LANCL1: variants seen among roughly 807,000 people sequenced by gnomAD.
LANCL1 encodes the protein LanC like glutathione S-transferase 1.
A neutral mutation model predicts 50.6 loss-of-function variants in LANCL1; 50 were observed. The observed-to-expected ratio is 0.99, with a 90% CI of 0.79 to 1.25. The LOEUF (loss-of-function observed/expected upper bound fraction) is 1.25. Ranked by LOEUF, LANCL1 falls within the 50% of genes most tolerant of loss-of-function variation. The pLI is 0.00. For synonymous variants in LANCL1, 188 were observed against 178.6 expected (o/e 1.05, Z -0.42); for missense variants, 532 against 480.7 (o/e 1.11, Z -1.00).
chr2:210,435,351 ATAT>A (rs1692890585), intron 9 of LANCL1, 33 bp downstream of exon 9: 6 of 1,505,508 alleles, frequency 4.0e-6, no homozygotes, highest in Non-Finnish European at 5.5e-6. Flanking sequence ...GTAGATGCTG[ATAT>A]TATAGGGCAA....
rs142579067 is a variant in LANCL1, at chr2:210,462,908, G to A, written c.200-7594C>T. Among the ~76,000 whole-genome samples the A allele has an allele frequency of 3.2e-3, 487 of 152,252 alleles. 3 individuals are homozygous for A. Among genetic ancestry groups the A allele is most frequent in the African/African-American group, 0.01 (435 of 41,564 alleles). ...CTGACTAGTCATTAGCCACTTCTAT[G>A]AAGTTTGTATGGAATGAGTATCATG... On this transcript the variant is annotated intron_variant, in intron 3 of 9. Coordinates refer to ENST00000450366, the MANE Select transcript of LANCL1 (RefSeq NM_006055.3).
At chr2:210,435,161 A>G (rs1000452765) in intron 9 of LANCL1, among the ~76,000 whole-genome samples, 5 of 152,182 alleles carry the variant, frequency 3.3e-5, no homozygotes, top group Admixed American at 6.5e-5. Context: ...AAAATGCCCA[A>G]CATGTGCCTG....
intron 9 of LANCL1, among the ~76,000 whole-genome samples, chr2:210,435,021 A>G (rs1009298733): frequency 3.3e-5 from 5 of 152,166 alleles, no homozygotes; most frequent in Non-Finnish European, 7.3e-5. Flanking sequence ...GAAAGAATGG[A>G]GCCAGACAAG....
chr2:210,437,489 T>C (rs1343531253), intron 7 of LANCL1, among the ~76,000 whole-genome samples: 2 of 152,098 alleles, frequency 1.3e-5, no homozygotes, highest in African/African-American at 4.8e-5. Flanking sequence ...GCAACCTAAG[T>C]GTTGTTAAAA....
intron 6 of LANCL1, among the ~76,000 whole-genome samples, chr2:210,439,554 T>G (rs1048235436): frequency 7.2e-5 from 11 of 152,118 alleles, no homozygotes; most frequent in African/African-American, 2.7e-4. Flanking sequence ...ACCAGAAAAA[T>G]AAAGAAATTT....
rs535700576 is a variant in LANCL1 at position 210,440,812 on chromosome 2, C to CT, written c.544-69dup. ...AAAATCTTCCTGGAGGAGGTAAAGA[C>CT]TTTTTTGCTAAGAGGTACTGGGGAA... On this transcript the variant is annotated intron_variant, in intron 5 of 9. Transcript: ENST00000450366. 54 of 1,461,828 alleles carry CT rather than the reference C, an allele frequency of 3.7e-5. No homozygotes were observed. The African/African-American group carries it at 6.5e-4, about 18-fold the overall frequency. 90.6% of individuals were successfully genotyped at this position (1,461,828 alleles called of 1,614,324 possible).
At chr2:210,454,823 G>A (rs1273744967) in intron 4 of LANCL1, among the ~76,000 whole-genome samples, 1 of 152,134 alleles carries the variant, frequency 6.6e-6, no homozygotes, top group African/African-American at 2.4e-5. Context: ...ATCTTGGATA[G>A]CACTTTGGAT....
intron 2 of LANCL1, among the ~76,000 whole-genome samples, chr2:210,475,443 CGCCTCA>C (rs1048869441): frequency 6.6e-6 from 1 of 152,058 alleles, no homozygotes; most frequent in African/African-American, 2.4e-5. Flanking sequence ...GCAATTCTCC[CGCCTCA>C]GCCTCCCAAG....
chr2:210,475,204 A>G (rs1182356476), intron 2 of LANCL1, among the ~76,000 whole-genome samples: 1 of 152,248 alleles, frequency 6.6e-6, no homozygotes, highest in Non-Finnish European at 1.5e-5. Context: ...TTTGACAGGG[A>G]TGAAATCTGT....
intron 4 of LANCL1, among the ~76,000 whole-genome samples, chr2:210,446,594 A>AG (rs1196781410): frequency 6.6e-6 from 1 of 151,524 alleles, no homozygotes; most frequent in Non-Finnish European, 1.5e-5. Flanking sequence ...AATGCATGGA[A>AG]GTTAAGACCC....
chr2:210,471,846 T>C (rs1219726119), intron 3 of LANCL1, 113 bp downstream of exon 3: 11 of 796,198 alleles, frequency 1.4e-5, no homozygotes, highest in Admixed American at 1.1e-4. Flanking sequence ...CAATTACTCA[T>C]ATGCAGATGC....
chr2:210,464,238 C>A (rs1390629933), intron 3 of LANCL1, among the ~76,000 whole-genome samples: 2 of 152,114 alleles, frequency 1.3e-5, no homozygotes, highest in African/African-American at 4.8e-5. Flanking sequence ...GGGAATGAAA[C>A]AACAAAATAA....
intron 3 of LANCL1, chr2:210,468,103 C>G (rs1409100343): frequency 2.6e-5 from 4 of 151,832 alleles, no homozygotes; most frequent in Non-Finnish European, 5.9e-5. Flanking sequence ...TTAAGTTACA[C>G]TTAGCTCTAG....
At chr2:210,477,546 T>A (rs539693245), upstream of LANCL1, 3 of 1,316,294 alleles carry the variant, frequency 2.3e-6, no homozygotes, top group East Asian at 8.3e-5. Flanking sequence ...CCGGTTTCAA[T>A]GAAGAGTCCT....
intron 3 of LANCL1, among the ~76,000 whole-genome samples, chr2:210,466,524 T>C (rs2370948): frequency 0.4 from 61,295 of 152,064 alleles, 13,823 homozygotes; most frequent in East Asian, 0.61. Context: ...ATAGCCGTCT[T>C]GCCTGTTTTT....
At chr2:210,436,453 C>T in intron 7 of LANCL1, 61 bp from the exon 8 acceptor site, 1 of 1,478,058 alleles carries the variant, frequency 6.8e-7, no homozygotes, top group East Asian at 2.3e-5. Flanking sequence ...CATTGATATT[C>T]CTTCCTGATA....
Position 210,434,250 on chromosome 2 carries a change from T to G in LANCL1, c.*237A>C. ...AATCTCAAAACACTGTACATATCAC[T>G]CACTCTCCCTTTAGGAAGAAATGGA... On this transcript the variant is annotated 3_prime_UTR_variant, in exon 10 of 10. Coordinates refer to ENST00000450366, the MANE Select transcript of LANCL1 (RefSeq NM_006055.3). 2.2e-6 allele frequency: 1 copy of G among 459,366 alleles called. No individual in the cohort carries two copies. The highest frequency in any genetic ancestry group is 3.9e-6 in the Non-Finnish European group (1 of 257,562). The allele number at this position is 459,366 out of a possible 1,614,324, so 28.5% of individuals were successfully genotyped here. A position where few individuals can be genotyped will look rare whatever the true frequency, so the allele number is the denominator to read the frequency against.
intron 3 of LANCL1, among the ~76,000 whole-genome samples, chr2:210,465,836 A>C (rs934007882): frequency 1.3e-5 from 2 of 152,184 alleles, no homozygotes; most frequent in African/African-American, 4.8e-5. Flanking sequence ...CTGCCTGAAA[A>C]GGTTTTGAAC....
Position 210,440,755 on chromosome 2 carries a change from A to G in LANCL1, c.544-11T>C, listed in dbSNP as rs752999125. On this transcript the variant is annotated splice_polypyrimidine_tract_variant and intron_variant, in intron 5 of 9. Coordinates refer to ENST00000450366, the MANE Select transcript of LANCL1 (RefSeq NM_006055.3). ...AATTGTTTCACAAATCTACAGGGAG[A>G]AAACCAACCAAAATAACAAGTTAAC... is the stretch of plus-strand genomic sequence containing the variant. 1 of 1,605,580 alleles carries G rather than the reference A, an allele frequency of 6.2e-7. No individual in the cohort carries two copies. Among genetic ancestry groups the G allele is most frequent in the Non-Finnish European group, 8.5e-7 (1 of 1,177,124 alleles).
Sources: gnomAD v4.1 joint callset for allele counts (sites outside exome capture counted in the v4.1 genomes callset) on GRCh38, gnomAD v4.1.1 for gene constraint, MANE v1.5 for transcripts, NCBI Gene and HGNC (gene_info 2026-07-23, HGNC 2026-07-21) for gene names.